The following PODNL1 variants were observed in gnomAD, a reference collection of about 807,000 sequenced individuals.
The protein encoded by PODNL1 is podocan-like protein 1.
A neutral mutation model predicts 45.1 loss-of-function variants in PODNL1; 50 were observed. The observed-to-expected ratio is 1.11, with a 90% confidence interval of 0.88 to 1.40. PODNL1 has a LOEUF of 1.40. PODNL1 is among the 40% of genes most tolerant of loss of function. The probability of loss-of-function intolerance (pLI) is 0.00; values close to 1 mark genes in which losing one functional copy is unlikely to be tolerated. For synonymous variants in PODNL1, 406 were observed against 372.5 expected (o/e 1.09, Z -1.04); for missense variants, 788 against 793.3 (o/e 0.99, Z 0.08).
chr19:13,932,238 C>T, intron 8 of PODNL1, 126 bp from the exon 9 acceptor site: 2 of 1,198,656 alleles, frequency 1.7e-6, no homozygotes, highest in Middle Eastern at 3.2e-4. Flanking sequence ...TGCCCCCCAC[C>T]CCCCATGATT....
chr19:13,934,203 G>A, intron 6 of PODNL1, 51 bp downstream of exon 6: 1 of 1,479,514 alleles, frequency 6.8e-7, no homozygotes, highest in African/African-American at 1.4e-5. Context: ...GGGTCCCCCT[G>A]GAAAGAGGTG....
At chr19:13,934,713 T>C (rs184632452) in intron 5 of PODNL1, among the ~76,000 whole-genome samples, 2,691 of 151,898 alleles carry the variant, frequency 0.018, 90 homozygotes, top group African/African-American at 0.062. Flanking sequence ...TATGTGATTG[T>C]AAGAGTGTGT....
chr19:13,941,314 C>T (rs962368226), upstream of PODNL1, among the ~76,000 whole-genome samples: 2 of 146,164 alleles, frequency 1.4e-5, no homozygotes, highest in East Asian at 2.0e-4. Flanking sequence ...TGCAGTGAGC[C>T]GAGATCACAC....
intron 1 of PODNL1, among the ~76,000 whole-genome samples, chr19:13,950,198 C>T (rs758653078): frequency 6.8e-6 from 1 of 147,928 alleles, no homozygotes; most frequent in Non-Finnish European, 1.5e-5. Context: ...GACAAGGTCT[C>T]GCTCTGTCTC....
rs1353788777 is a variant in PODNL1, at chr19:13,948,414, T to C, written c.18+4705A>G. Among the ~76,000 whole-genome samples, 3 of 147,522 alleles carry C rather than the reference T, an allele frequency of 2.0e-5. No homozygotes were observed. The Admixed American group carries it at 2.0e-4, about 10-fold the overall frequency. On this transcript the variant is annotated intron_variant, in intron 1 of 7. Coordinates refer to the PODNL1 transcript ENST00000538371. ...TTTTAGTAGAGACGGGGTTTCACCA[T>C]GTTTAGCCAGGATGGTCTCGATCTC...
In PODNL1 at chr19:13,932,872, G is replaced by A; in HGVS notation, c.1351C>T (p.Leu451Phe). ...CGGAGCCGGTTGTGCGCCAGGCTGA[G>A]CTCCCGCAGTTGGTCCAGGCCGGCC... ...PLAGLDQLRE[L>F]SLAHNRLRVG... The change falls in exon 8 of 10, where the codon CTC becomes TTC. Residue 451 changes from leucine (L) to phenylalanine (F), a missense_variant. Leu to Phe is a conservative substitution (Grantham distance 22, BLOSUM62 0). Around this residue, in one of 3 missense-constraint regions of PODNL1, gnomAD observed 762 missense variants for 750.9 expected, o/e 1.01. Transcript: ENST00000588872. 3 of 1,609,614 alleles carry A rather than the reference G, an allele frequency of 1.9e-6. No homozygotes were observed. The highest frequency in any genetic ancestry group is 2.2e-5 in the East Asian group (1 of 44,790).
At chr19:13,949,076 C>T (rs1277136359) in intron 1 of PODNL1, among the ~76,000 whole-genome samples, 1 of 151,970 alleles carries the variant, frequency 6.6e-6, no homozygotes, top group African/African-American at 2.4e-5. Context: ...TCTCATGCCT[C>T]AGCCTCCTGA....
chr19:13,938,540 GGGACGACC>G, upstream of PODNL1: 1 of 1,023,718 alleles, frequency 9.8e-7, no homozygotes, highest in Non-Finnish European at 1.2e-6. Flanking sequence ...TCTGGTATTT[GGGACGACC>G]GCAGGAGTAG....
chr19:13,932,261 C>T, intron 8 of PODNL1, 149 bp from the exon 9 acceptor site: 1 of 1,076,678 alleles, frequency 9.3e-7, no homozygotes, highest in Non-Finnish European at 1.2e-6. Flanking sequence ...CAAATTCCTC[C>T]CTTCTGCAGA....
chr19:13,938,673 C>T (rs1475302188), upstream of PODNL1, among the ~76,000 whole-genome samples: 1 of 152,146 alleles, frequency 6.6e-6, no homozygotes, highest in Non-Finnish European at 1.5e-5. Flanking sequence ...GCCCAGATGC[C>T]AGCCTGGGAG....
chr19:13,946,545 T>C (rs1021722727), intron 1 of PODNL1, among the ~76,000 whole-genome samples: 1 of 152,126 alleles, frequency 6.6e-6, no homozygotes, highest in Non-Finnish European at 1.5e-5. Context: ...GCTTTCTGTG[T>C]TCAAAGCCAC....
chr19:13,946,795 G>A (rs530540364), intron 1 of PODNL1, among the ~76,000 whole-genome samples: 44 of 152,218 alleles, frequency 2.9e-4, no homozygotes, highest in African/African-American at 1.0e-3. Context: ...GCTCACGCCT[G>A]TAATTCCAGC....
chr19:13,952,347 C>T, intron 1 of PODNL1: 1 of 1,008,840 alleles, frequency 9.9e-7, no homozygotes, highest in Non-Finnish European at 1.3e-6. Flanking sequence ...GGGGCTGTTA[C>T]TGTCGCTACC....
intron 4 of PODNL1, 23 bp from the exon 5 acceptor site, chr19:13,935,853 C>G: frequency 5.7e-6 from 9 of 1,589,356 alleles, no homozygotes; most frequent in Non-Finnish European, 7.7e-6. Context: ...AGCCCACAGC[C>G]GGACTGGTCC....
intron 1 of PODNL1, chr19:13,952,904 A>AG: frequency 1.6e-6 from 1 of 627,324 alleles, no homozygotes. Flanking sequence ...GGCCCCAGGG[A>AG]GGGGGCTCGG....
intron 8 of PODNL1, chr19:13,932,584 A>G: frequency 2.3e-6 from 3 of 1,326,834 alleles, no homozygotes; most frequent in Non-Finnish European, 2.1e-6. Context: ...TCAAACCCAT[A>G]GCCTAAAGCG....
chr19:13,945,637 C>T (rs1439139074), intron 1 of PODNL1, among the ~76,000 whole-genome samples: 1 of 151,888 alleles, frequency 6.6e-6, no homozygotes, highest in Non-Finnish European at 1.5e-5. Context: ...CAGGTGCCTG[C>T]CACTGCGCCC....
chr19:13,936,227 A>G (rs563336657), intron 3 of PODNL1, 140 bp downstream of exon 3: 157 of 996,774 alleles, frequency 1.6e-4, no homozygotes, highest in Non-Finnish European at 2.2e-4. Flanking sequence ...CCAGCTCCTG[A>G]GTTTCCATCC....
In PODNL1 at chr19:13,932,970, A is replaced by G. The variant is rs566575173; in HGVS notation, c.1253T>C (p.Met418Thr). 88 of 1,555,246 alleles carry G rather than the reference A, an allele frequency of 5.7e-5. No individual in the cohort carries two copies. The South Asian group carries it at 8.1e-4, about 14-fold the overall frequency. Residue 418 changes from methionine to threonine, a missense_variant, in exon 8 of 10, where the codon ATG becomes ACG. By Grantham distance (81) the Met-to-Thr change is moderately conservative. Coordinates refer to ENST00000588872, the MANE Select transcript of PODNL1 (RefSeq NM_001370095.3). ...LAGNQLTRLP[M>T]GLPTGLRTLQ... ...GGTGCGCAGGCCAGTGGGCAGGCCC[A>G]TGGGCAGCCGGGTTAGCTGATTCCC...
Sources: gnomAD v4.1 joint callset for allele counts (sites outside exome capture counted in the v4.1 genomes callset) on GRCh38, gnomAD v4.1.1 for gene constraint, gnomAD v4.1.1 regional missense constraint, MANE v1.5 for transcripts, NCBI Gene and HGNC (gene_info 2026-07-23, HGNC 2026-07-21) for gene names.